The following FOXRED2 variants were observed in gnomAD, a reference collection of about 807,000 sequenced individuals.
FOXRED2 encodes the protein FAD-dependent oxidoreductase domain-containing protein 2.
In FOXRED2, 32 loss-of-function variants were observed where a neutral mutation model predicts 52.5. The ratio of observed to expected loss-of-function variants is 0.61; its 90% CI spans 0.46 to 0.82. The LOEUF is 0.82. Ranked by LOEUF, FOXRED2 falls within the 40% of genes least tolerant of loss-of-function variation. FOXRED2 has a pLI of 0.00. For missense variants in FOXRED2, 848 were observed against 937.5 expected, an observed-to-expected ratio of 0.90 and a Z score of 1.25; for synonymous variants, 405 against 398.1, an observed-to-expected ratio of 1.02 and a Z score of -0.21.
chr22:36,491,046 C>T (rs1179260960), intron 8 of FOXRED2, among the ~76,000 whole-genome samples: 1 of 152,206 alleles, frequency 6.6e-6, no homozygotes, highest in East Asian at 1.9e-4. Flanking sequence ...CCTGTAATCC[C>T]AGCTACTCGG....
Position 36,506,008 on chromosome 22 carries a change from G to A in FOXRED2, c.415C>T (p.Arg139Cys), listed in dbSNP as rs745846804. 3 of 1,614,130 alleles carry A rather than the reference G, an allele frequency of 1.9e-6. No individual in the cohort carries two copies. The highest frequency in any genetic ancestry group is 1.1e-5 in the South Asian group (1 of 91,094). ...GCGATGGTGGTGTTGTACTGGACAC[G>A]GAGCCCCAGCGTGTCCGCGAAGTCA... ...LGDFADTLGL[R>C]VQYNTTIAHV... Residue 139 changes from arginine (R) to cysteine (C), a missense_variant, in exon 2 of 9, where the codon CGT becomes TGT. Transcript: ENST00000397224.
In FOXRED2 at chr22:36,489,619, T is replaced by C. The variant is rs1210100582; in HGVS notation, c.*389A>G. On this transcript the variant is annotated 3_prime_UTR_variant, in exon 9 of 9. Transcript: ENST00000397224. The stretch of plus-strand genomic sequence containing the variant: ...TTGCCACAAACTCTTAAGATGCGGA[T>C]GGGTTTCCCCTGTGAAGCACTCCAC... The C allele has an allele frequency of 5.7e-6, 1 of 176,954 alleles. No homozygotes were observed. The highest frequency in any genetic ancestry group is 1.2e-5 in the Non-Finnish European group (1 of 85,202). The allele number at this position is 176,954 out of a possible 1,614,324, so 11.0% of individuals were successfully genotyped here.
chr22:36,504,615 C>T lies in FOXRED2; in HGVS notation c.679G>A (p.Glu227Lys). ...LILGRGNSAF[E>K]TAENILGVTN... is the part of the protein sequence containing the mutation. ...ACACCCAAGATGTTCTCTGCTGTCT[C>T]AAAGGCCGAGTTCCCACGACCCAGG... The change falls in exon 3 of 9, where the codon GAG becomes AAG. Residue 227 changes from glutamate to lysine, a missense_variant. Transcript: ENST00000397224. 1.9e-6 allele frequency: 3 copies of T among 1,614,160 alleles called. No individual in the cohort carries two copies. The highest frequency in any genetic ancestry group is 2.5e-6 in the Non-Finnish European group (3 of 1,180,034).
At position 36,506,232 on chromosome 22, in the gene FOXRED2, C is replaced by T. The variant is rs760712789; in HGVS notation, c.191G>A (p.Arg64Gln). ...RDYAVFERAP[R>Q]PGSFFTRYPR... ...GTAGCGTGTGAAGAAGCTGCCGGGC[C>T]GCGGGGCCCGCTCGAACACTGCGTA... is the stretch of plus-strand genomic sequence containing the variant. The change falls in exon 2 of 9, where the codon CGG (arginine) becomes CAG (glutamine). Residue 64 changes from arginine (R) to glutamine (Q), a missense_variant. Coordinates refer to ENST00000397224, the MANE Select transcript of FOXRED2 (RefSeq NM_001102371.2). 1 of 1,613,674 alleles carries T rather than the reference C, an allele frequency of 6.2e-7. No individual in the cohort carries two copies. The highest frequency in any genetic ancestry group is 8.5e-7 in the Non-Finnish European group (1 of 1,179,870).
Position 36,495,341 on chromosome 22 carries a change from CCT to C in FOXRED2, c.1624+624_1624+625del, listed in dbSNP as rs139055604. Among the ~76,000 whole-genome samples the C allele has an allele frequency of 1.3e-3, 204 of 152,280 alleles. 2 individuals carry two copies. The East Asian group carries it at 0.015, about 11-fold the overall frequency. On this transcript the variant is annotated intron_variant, in intron 7 of 8. Transcript: ENST00000397224. ...ACGACTTCTGCCTTTGGGAACAACC[CCT>C]GTTTAAACCACCCTCTTCTACCTGA... is the stretch of plus-strand genomic sequence containing the variant.
chr22:36,498,126 C>T lies in FOXRED2; in HGVS notation c.1247G>A (p.Arg416His), dbSNP rs202147486. Residue 416 changes from arginine to histidine, a missense_variant, in exon 6 of 9, where the codon CGC becomes CAC. Physicochemically the swap from Arg to His is conservative, Grantham distance 29. Transcript: ENST00000397224. ...GGCGGGCCAGGTGACGCTGTGGTGG[C>T]GGTGCTCCAGGAGCCGGTGAACAGC... ...VRAVHRLLEH[R>H]HHSVTWPATE... 1.3e-4 allele frequency: 207 copies of T among 1,611,882 alleles called. 1 individual carries two copies. Among genetic ancestry groups the T allele is most frequent in the Non-Finnish European group, 1.5e-4 (175 of 1,179,914 alleles).
chr22:36,493,444 A>G (rs1933811249), intron 8 of FOXRED2, among the ~76,000 whole-genome samples, 189 bp downstream of exon 8: 1 of 151,916 alleles, frequency 6.6e-6, no homozygotes, highest in Non-Finnish European at 1.5e-5. Context: ...ATCTCAAAAA[A>G]AAAAAAAAGA....
intron 3 of FOXRED2, 49 bp from the exon 4 acceptor site, chr22:36,504,416 C>T: frequency 1.9e-6 from 3 of 1,609,250 alleles, no homozygotes; most frequent in Non-Finnish European, 2.5e-6. Flanking sequence ...GAAAGCTGGG[C>T]AGTGCAGCTG....
intron 4 of FOXRED2, 110 bp downstream of exon 4, chr22:36,503,988 T>C: frequency 8.6e-7 from 1 of 1,166,788 alleles, no homozygotes; most frequent in Non-Finnish European, 1.2e-6. Flanking sequence ...ATTCTTTGGG[T>C]GCTGTCCTGA....
intron 3 of FOXRED2, 65 bp downstream of exon 3, chr22:36,504,450 T>G (rs1603496491): frequency 1.2e-6 from 2 of 1,605,772 alleles, no homozygotes; most frequent in Non-Finnish European, 1.7e-6. Flanking sequence ...CAGGGGAGGG[T>G]TGGGGAGGCT....
At chr22:36,497,965 G>C in intron 6 of FOXRED2, 26 bp downstream of exon 6, 1 of 1,605,860 alleles carries the variant, frequency 6.2e-7, no homozygotes, top group Non-Finnish European at 8.5e-7. Flanking sequence ...GGGCCGAGGG[G>C]AGTAGGGTGG....
rs567093377 is a variant in FOXRED2, at chr22:36,490,341, A to G, written c.1796-74T>C. Reference sequence around the variant, plus strand: ...GAGGGGTGCAGAAAGGGGAGCTGCCAATGCCAGGTGTGGGGGCTTCACTGC... The same window carrying G: ...GAGGGGTGCAGAAAGGGGAGCTGCCGATGCCAGGTGTGGGGGCTTCACTGC... On this transcript the variant is annotated intron_variant, in intron 8 of 8. Transcript: ENST00000397224. 5.3e-5 allele frequency: 79 copies of G among 1,483,632 alleles called. No individual in the cohort carries two copies. In the Admixed American group the frequency reaches 1.1e-3, roughly 21 times the overall value. The allele number at this position is 1,483,632 out of a possible 1,614,324, so 91.9% of individuals were successfully genotyped here.
chr22:36,502,981 G>A (rs1934095210), intron 4 of FOXRED2, among the ~76,000 whole-genome samples: 1 of 140,996 alleles, frequency 7.1e-6, no homozygotes, highest in Non-Finnish European at 1.6e-5. Context: ...ATGAGCTACT[G>A]TGACCAGCCA....
At chr22:36,498,604 C>T (rs529123234) in intron 5 of FOXRED2, among the ~76,000 whole-genome samples, 4 of 152,328 alleles carry the variant, frequency 2.6e-5, no homozygotes, top group South Asian at 4.1e-4. Context: ...AAACCTCCCC[C>T]CCTTCACAGC....
Position 36,504,095 on chromosome 22 carries a change from CACTT to C in FOXRED2, c.1048_1049+2del. On this transcript the variant is annotated splice_donor_variant and coding_sequence_variant, in exon 4 of 9. Transcript: ENST00000397224. LOFTEE classifies it high-confidence loss of function. The stretch of plus-strand genomic sequence containing the variant: ...AGCCCACCTCCTTCCGCATGGAACT[CACTT>C]ATTGAAAATGGAGAAGTCAAAGTTC... The C allele has an allele frequency of 6.2e-7, 1 of 1,613,550 alleles. No individual in the cohort carries two copies. Among genetic ancestry groups the C allele is most frequent in the Non-Finnish European group, 8.5e-7 (1 of 1,179,624 alleles).
chr22:36,490,329 A>G, intron 8 of FOXRED2, 62 bp from the exon 9 acceptor site: 1 of 1,513,276 alleles, frequency 6.6e-7, no homozygotes, highest in Non-Finnish European at 8.9e-7. Flanking sequence ...GGGTGCAGAA[A>G]GGGGAGCTGC....
chr22:36,500,509 C>T (rs564026046), intron 5 of FOXRED2, among the ~76,000 whole-genome samples: 29 of 151,796 alleles, frequency 1.9e-4, no homozygotes, highest in Non-Finnish European at 4.0e-4. Context: ...TCTTTGTAAA[C>T]ATTCTCAAGT....
At position 36,505,953 on chromosome 22, in the gene FOXRED2, G is replaced by A. The variant is rs1301558224; in HGVS notation, c.470C>T (p.Ala157Val). The change falls in exon 2 of 9, where the codon GCC becomes GTC. Residue 157 changes from alanine to valine, a missense_variant. By Grantham distance (64) the Ala-to-Val change is moderately conservative. Coordinates refer to ENST00000397224, the MANE Select transcript of FOXRED2 (RefSeq NM_001102371.2). ...AHVTLDKDRQAWNGHYFILTD... is the reference protein window; with the variant it reads ...AHVTLDKDRQVWNGHYFILTD... ...TAGGATGAAGTAGTGGCCATTCCAG[G>A]CCTGTCGGTCCTTGTCCAGAGTGAC... is the stretch of plus-strand genomic sequence containing the variant. 1.2e-6 allele frequency: 2 copies of A among 1,614,220 alleles called. No homozygotes were observed. The highest frequency in any genetic ancestry group is 8.5e-7 in the Non-Finnish European group (1 of 1,180,024).
At chr22:36,496,831 A>C (rs992498852) in intron 6 of FOXRED2, among the ~76,000 whole-genome samples, 1 of 152,190 alleles carries the variant, frequency 6.6e-6, no homozygotes, top group East Asian at 1.9e-4. Flanking sequence ...GTTGGGCTCC[A>C]GACATCATCT....
Sources: allele counts gnomAD v4.1 joint callset (sites outside exome capture counted in the v4.1 genomes callset), GRCh38; gene constraint gnomAD v4.1.1; transcripts MANE v1.5; gene names NCBI Gene and HGNC (gene_info 2026-07-23, HGNC 2026-07-21).